TTLL5: variants seen among roughly 807,000 people sequenced by gnomAD.
TTLL5 encodes tubulin tyrosine ligase like 5.
Under a neutral mutation model 168.4 loss-of-function variants are expected in TTLL5, and 132 were observed. The observed-to-expected ratio is 0.78, with a 90% confidence interval of 0.68 to 0.91. The LOEUF (loss-of-function observed/expected upper bound fraction) is 0.91, where lower values mean the gene tolerates loss of function less well. Among genes scored for constraint, TTLL5 ranks in the 40% least tolerant of loss-of-function variants. The probability of loss-of-function intolerance (pLI) is 0.00; values close to 1 mark genes in which losing one functional copy is unlikely to be tolerated. For synonymous variants in TTLL5, 546 were observed against 558.6 expected, an observed-to-expected ratio of 0.98 and a Z score of 0.32; for missense variants, 1,545 against 1,581.5, an observed-to-expected ratio of 0.98 and a Z score of 0.39.
At chr14:75,668,990 C>T (rs1276843757) in intron 2 of TTLL5, among the ~76,000 whole-genome samples, 2 of 152,196 alleles carry the variant, frequency 1.3e-5, no homozygotes, top group Non-Finnish European at 2.9e-5. Flanking sequence ...CTTTCAAGGT[C>T]ACAAAATGGT....
At chr14:75,753,905 G>T (rs1890099251) in intron 18 of TTLL5, among the ~76,000 whole-genome samples, 1 of 152,060 alleles carries the variant, frequency 6.6e-6, no homozygotes, top group African/African-American at 2.4e-5. Context: ...CATTATTTTG[G>T]TTATGCAGTG....
rs540578009 is a variant in TTLL5 at position 75,942,538 on chromosome 14, A to G, written c.3824-11886A>G. On this transcript the variant is annotated intron_variant, in intron 31 of 31. Transcript: ENST00000298832. ...CCCTCCCCATGTGCCTCCAAATGATAAAAGAAACAATGATTTAGATCGTTT... is the reference window on the plus strand; with the variant it reads ...CCCTCCCCATGTGCCTCCAAATGATGAAAGAAACAATGATTTAGATCGTTT... 9.2e-5 allele frequency among the ~76,000 whole-genome samples: 14 copies of G among 152,346 alleles called. No individual in the cohort carries two copies. The South Asian group carries it at 1.4e-3, about 16-fold the overall frequency.
At chr14:75,872,973 T>C (rs1043265988) in intron 29 of TTLL5, among the ~76,000 whole-genome samples, 1 of 151,970 alleles carries the variant, frequency 6.6e-6, no homozygotes, top group African/African-American at 2.4e-5. Flanking sequence ...CTTTTTTTTA[T>C]CATTTAGGTA....
intron 27 of TTLL5, among the ~76,000 whole-genome samples, chr14:75,817,020 C>T (rs941861819): frequency 8.5e-6 from 1 of 118,216 alleles, no homozygotes; most frequent in African/African-American, 3.2e-5. Flanking sequence ...CTCGCTCTGT[C>T]GCCAGGCTGG....
At chr14:75,712,776 A>G (rs1887176074) in intron 9 of TTLL5, among the ~76,000 whole-genome samples, 1 of 152,146 alleles carries the variant, frequency 6.6e-6, no homozygotes, top group Admixed American at 6.5e-5. Context: ...AATTATCTTG[A>G]TCACTATCTT....
intron 28 of TTLL5, among the ~76,000 whole-genome samples, chr14:75,853,159 T>C (rs1896959605): frequency 6.6e-6 from 1 of 152,258 alleles, no homozygotes; most frequent in Non-Finnish European, 1.5e-5. Context: ...CCAACCATTC[T>C]TTCTGCCCTT....
chr14:75,722,778 A>C (rs910566667), intron 12 of TTLL5, among the ~76,000 whole-genome samples: 1 of 152,116 alleles, frequency 6.6e-6, no homozygotes, highest in African/African-American at 2.4e-5. Flanking sequence ...GGCTTCCCCA[A>C]ATACTGGGCT....
At chr14:75,672,788 A>G (rs1179986322) in intron 3 of TTLL5, among the ~76,000 whole-genome samples, 1 of 152,140 alleles carries the variant, frequency 6.6e-6, no homozygotes, top group South Asian at 2.1e-4. Flanking sequence ...ACTTGTTTGC[A>G]TACAACTGTT....
At chr14:75,812,335 T>A (rs182177986) in intron 27 of TTLL5, among the ~76,000 whole-genome samples, 2 of 152,252 alleles carry the variant, frequency 1.3e-5, no homozygotes, top group East Asian at 3.9e-4. Flanking sequence ...CCACAGGCAG[T>A]TACTCACTTA....
intron 22 of TTLL5, 46 bp from the exon 23 acceptor site, chr14:75,776,701 T>G: frequency 7.1e-7 from 1 of 1,401,286 alleles, no homozygotes; most frequent in East Asian, 2.3e-5. Context: ...TTATTAGGAG[T>G]CAGTTTTATC....
chr14:75,809,064 C>G (rs1294698605), intron 27 of TTLL5, among the ~76,000 whole-genome samples: 3 of 151,770 alleles, frequency 2.0e-5, no homozygotes, highest in African/African-American at 7.3e-5. Context: ...AATATGAATG[C>G]ACATTTAGAC....
intron 31 of TTLL5, among the ~76,000 whole-genome samples, chr14:75,949,270 C>CT (rs766951707): frequency 1.2e-3 from 188 of 151,404 alleles, no homozygotes; most frequent in Non-Finnish European, 2.1e-3. Flanking sequence ...AGGAATAAAT[C>CT]TAACAAAAGA....
At chr14:75,946,813 T>C (rs981630154) in intron 31 of TTLL5, among the ~76,000 whole-genome samples, 19 of 150,474 alleles carry the variant, frequency 1.3e-4, no homozygotes, top group African/African-American at 4.6e-4. Flanking sequence ...CTAAATAAAG[T>C]AGAGAAAGTG....
chr14:75,874,538 C>T (rs2031307102), intron 29 of TTLL5, among the ~76,000 whole-genome samples: 2 of 152,134 alleles, frequency 1.3e-5, no homozygotes, highest in South Asian at 4.1e-4. Context: ...GCTGCTTTCT[C>T]AAAGTAATCA....
chr14:75,781,687 G>A (rs1036195246), intron 24 of TTLL5, among the ~76,000 whole-genome samples: 29 of 152,152 alleles, frequency 1.9e-4, no homozygotes, highest in Non-Finnish European at 3.2e-4. Flanking sequence ...GGGCATGGTG[G>A]CTCACGCCTG....
At chr14:75,759,086 A>G (rs984396078) in intron 18 of TTLL5, among the ~76,000 whole-genome samples, 4 of 152,180 alleles carry the variant, frequency 2.6e-5, no homozygotes, top group African/African-American at 7.2e-5. Context: ...ATAAGGTAGC[A>G]TAATTGATAA....
At chr14:75,909,190 A>G (rs1032686847) in intron 31 of TTLL5, among the ~76,000 whole-genome samples, 1 of 151,252 alleles carries the variant, frequency 6.6e-6, no homozygotes, top group African/African-American at 2.4e-5. Flanking sequence ...GTCCATGAGC[A>G]CATCTTTTAT....
At chr14:75,854,335 CT>C (rs1237242474) in intron 28 of TTLL5, among the ~76,000 whole-genome samples, 1 of 152,128 alleles carries the variant, frequency 6.6e-6, no homozygotes, top group African/African-American at 2.4e-5. Context: ...TGAGATTCAT[CT>C]GTTTTGTTGC....
chr14:75,920,079 A>T (rs2033772101), intron 31 of TTLL5, among the ~76,000 whole-genome samples: 1 of 152,068 alleles, frequency 6.6e-6, no homozygotes. Flanking sequence ...CTGAGATTGC[A>T]CCACTGCACT....
Sources: allele counts gnomAD v4.1 joint callset (sites outside exome capture counted in the v4.1 genomes callset), GRCh38; gene constraint gnomAD v4.1.1; transcripts MANE v1.5; gene names NCBI Gene and HGNC (gene_info 2026-07-23, HGNC 2026-07-21).